SOAT1: variants seen among roughly 807,000 people sequenced by gnomAD.
SOAT1 encodes the protein sterol O-acyltransferase 1.
SOAT1 carries 55 observed loss-of-function variants against 69.5 expected under a neutral mutation model. The ratio of observed to expected loss-of-function variants is 0.79; its 90% CI spans 0.64 to 0.99. The LOEUF (loss-of-function observed/expected upper bound fraction) is 0.99, where lower values mean the gene tolerates loss of function less well. Ranked by LOEUF, SOAT1 falls within the 50% of genes least tolerant of loss-of-function variation. SOAT1 has a pLI of 0.00. For synonymous variants in SOAT1, 231 were observed against 224.7 expected, an observed-to-expected ratio of 1.03 and a Z score of -0.25; for missense variants, 580 against 669.3, an observed-to-expected ratio of 0.87 and a Z score of 1.47.
intron 1 of SOAT1, among the ~76,000 whole-genome samples, chr1:179,300,429 T>C (rs529319928): frequency 6.6e-6 from 1 of 152,318 alleles, no homozygotes; most frequent in African/African-American, 2.4e-5. Flanking sequence ...CCCTGACTTT[T>C]CCCTTAAGTT....
chr1:179,313,530 A>ATGTATATGTG, intron 2 of SOAT1, among the ~76,000 whole-genome samples: 1 of 150,588 alleles, frequency 6.6e-6, no homozygotes, highest in East Asian at 1.9e-4. Context: ...GTATATATAT[A>ATGTATATGTG]TGTATATGTG....
chr1:179,351,721 AT>A (rs71901753), intron 15 of SOAT1, among the ~76,000 whole-genome samples: 24,159 of 106,204 alleles, frequency 0.23, 2,204 homozygotes, highest in Admixed American at 0.25. Context: ...GCCCCTTCTA[AT>A]TTTTTTTTTT....
intron 8 of SOAT1, 75 bp downstream of exon 8, chr1:179,342,267 C>T: frequency 1.1e-6 from 1 of 880,064 alleles, no homozygotes; most frequent in Non-Finnish European, 1.7e-6. Context: ...CTTCCCTTCC[C>T]TTCCCTTCTT....
At chr1:179,329,637 C>T (rs1010386630) in intron 3 of SOAT1, among the ~76,000 whole-genome samples, 1 of 151,750 alleles carries the variant, frequency 6.6e-6, no homozygotes, top group East Asian at 1.9e-4. Context: ...ATCATTTGAA[C>T]CCAGGAGGTG....
In SOAT1 at chr1:179,353,671, T is replaced by A; in HGVS notation, c.*30T>A. ...TTGGACTTTGTTTCCTCCTTGTCAC[T>A]GAAGATTGGGTAGCTCCCTGATTTG... On this transcript the variant is annotated 3_prime_UTR_variant, in exon 16 of 16. Transcript: ENST00000367619. The A allele has an allele frequency of 6.3e-7, 1 of 1,580,780 alleles. No homozygotes were observed. Among genetic ancestry groups the A allele is most frequent in the Admixed American group, 1.7e-5 (1 of 59,774 alleles).
intron 2 of SOAT1, among the ~76,000 whole-genome samples, chr1:179,305,401 G>A (rs1664968477): frequency 1.6e-5 from 2 of 127,510 alleles, no homozygotes; most frequent in Admixed American, 1.8e-4. Flanking sequence ...GTTTTAATAT[G>A]TATCAGTACT....
Position 179,356,744 on chromosome 1 carries a change from T to C in SOAT1, c.*3103T>C, listed in dbSNP as rs1197985865. On this transcript the variant is annotated 3_prime_UTR_variant, in exon 16 of 16. Transcript: ENST00000367619. Reference sequence around the variant, plus strand: ...CAGGGTCTCACTCTGTTGCCCAGGCTGGTAGTAGCGTGATCATAGCTCACT... The same window carrying C: ...CAGGGTCTCACTCTGTTGCCCAGGCCGGTAGTAGCGTGATCATAGCTCACT... The C allele has an allele frequency of 1.3e-5, 2 of 152,142 alleles. No individual in the cohort carries two copies. Among genetic ancestry groups the C allele is most frequent in the African/African-American group, 4.8e-5 (2 of 41,416 alleles). 9.4% of individuals were successfully genotyped at this position (152,142 alleles called of 1,614,324 possible).
intron 2 of SOAT1, among the ~76,000 whole-genome samples, chr1:179,307,174 T>C (rs1433021919): frequency 1.3e-5 from 2 of 152,222 alleles, no homozygotes; most frequent in African/African-American, 4.8e-5. Context: ...TTGCGTGGGA[T>C]ATCTGCTGCT....
intron 3 of SOAT1, among the ~76,000 whole-genome samples, chr1:179,334,815 A>G (rs956010550): frequency 6.6e-6 from 1 of 151,970 alleles, no homozygotes; most frequent in African/African-American, 2.4e-5. Flanking sequence ...TGGGAGTTGG[A>G]GACCAGCCTG....
In SOAT1 at chr1:179,343,572, T is replaced by G; in HGVS notation, c.942-18T>G. The G allele has an allele frequency of 6.3e-7, 1 of 1,599,728 alleles. No homozygotes were observed. Among genetic ancestry groups the G allele is most frequent in the South Asian group, 1.1e-5 (1 of 89,890 alleles). On this transcript the variant is annotated intron_variant, in intron 9 of 15. Transcript: ENST00000367619. ...TTACTTTATTTAGAAACCTTATTTT[T>G]GTTTCTTTCTTTTTCAGGAATCCCA...
rs1666851794 is a variant in SOAT1 at position 179,354,708 on chromosome 1, G to A, written c.*1067G>A. On this transcript the variant is annotated 3_prime_UTR_variant, in exon 16 of 16. Transcript: ENST00000367619. ...ACTTTTAATGGTAGTATGTTTTTAG[G>A]TGGAATAAATTAATATGTGATTGGT... 2 of 152,192 alleles carry A rather than the reference G, an allele frequency of 1.3e-5. No individual in the cohort carries two copies. Among genetic ancestry groups the A allele is most frequent in the South Asian group, 2.1e-4 (1 of 4,822 alleles). The allele number at this position is 152,192 out of a possible 1,614,324, so 9.4% of individuals were successfully genotyped here.
Position 179,354,146 on chromosome 1 carries a change from A to G in SOAT1, c.*505A>G, listed in dbSNP as rs558508856. On this transcript the variant is annotated 3_prime_UTR_variant, in exon 16 of 16. Transcript: ENST00000367619. ...AATGATTTTTGCTATTTCTAGTAGAAAGAAAATGTCTGTTTTCCAAAGATA... is the reference window on the plus strand; with the variant it reads ...AATGATTTTTGCTATTTCTAGTAGAGAGAAAATGTCTGTTTTCCAAAGATA... 1 of 152,884 alleles carries G rather than the reference A, an allele frequency of 6.5e-6. No individual in the cohort carries two copies. Among genetic ancestry groups the G allele is most frequent in the Admixed American group, 6.5e-5 (1 of 15,298 alleles). 9.5% of individuals were successfully genotyped at this position (152,884 alleles called of 1,614,324 possible). A position where few individuals can be genotyped will look rare whatever the true frequency, so the allele number is the denominator to read the frequency against.
intron 2 of SOAT1, among the ~76,000 whole-genome samples, chr1:179,310,790 A>G (rs1665195343): frequency 6.6e-6 from 1 of 152,238 alleles, no homozygotes; most frequent in Non-Finnish European, 1.5e-5. Flanking sequence ...GCAATAAACT[A>G]GTCAGTGCCT....
chr1:179,347,592 AT>A lies in SOAT1; in HGVS notation c.1118-3del. 1.3e-6 allele frequency: 2 copies of A among 1,570,356 alleles called. No homozygotes were observed. Among genetic ancestry groups the A allele is most frequent in the Non-Finnish European group, 1.8e-6 (2 of 1,141,960 alleles). On this transcript the variant is annotated splice_polypyrimidine_tract_variant and splice_region_variant and intron_variant, in intron 11 of 15. Transcript: ENST00000367619. ...AAAGACTGTTAATATTGTTAATCTT[AT>A]TTTTAGGTGTGCTGATTCTCTTCCT...
intron 2 of SOAT1, among the ~76,000 whole-genome samples, chr1:179,318,980 T>G (rs902475191): frequency 7.9e-5 from 12 of 152,240 alleles, no homozygotes; most frequent in Non-Finnish European, 1.8e-4. Flanking sequence ...CTAGGTCTTA[T>G]GTTGGCTCTG....
At chr1:179,303,034 T>C (rs1664889052) in intron 2 of SOAT1, among the ~76,000 whole-genome samples, 1 of 152,186 alleles carries the variant, frequency 6.6e-6, no homozygotes, top group Non-Finnish European at 1.5e-5. Flanking sequence ...TCACGTAACC[T>C]ACCAATAATT....
intron 6 of SOAT1, among the ~76,000 whole-genome samples, 154 bp from the exon 7 acceptor site, chr1:179,340,870 TCTAA>T (rs1300674154): frequency 6.6e-6 from 1 of 152,026 alleles, no homozygotes; most frequent in Non-Finnish European, 1.5e-5. Flanking sequence ...GAAGCAGATC[TCTAA>T]CTAGCAGAAC....
Position 179,333,866 on chromosome 1 carries a change from C to A in SOAT1, c.178-1640C>A, listed in dbSNP as rs1432084363. 2.0e-5 allele frequency among the ~76,000 whole-genome samples: 3 copies of A among 151,634 alleles called. No individual in the cohort carries two copies. The East Asian group carries it at 5.8e-4, about 29-fold the overall frequency. ...AAAAAAAAAGTTTCAAGGAAGAACTCATTTTTTGTCAAGTGGTGAAAGCAG... is the reference window on the plus strand; with the variant it reads ...AAAAAAAAAGTTTCAAGGAAGAACTAATTTTTTGTCAAGTGGTGAAAGCAG... On this transcript the variant is annotated intron_variant, in intron 3 of 15. Coordinates refer to ENST00000367619, the MANE Select transcript of SOAT1 (RefSeq NM_003101.6).
intron 4 of SOAT1, among the ~76,000 whole-genome samples, chr1:179,336,000 C>G (rs1365192179): frequency 1.3e-5 from 2 of 151,922 alleles, no homozygotes; most frequent in Non-Finnish European, 2.9e-5. Flanking sequence ...TTTGTCTCTA[C>G]TAAAAATACA....
Sources: allele counts gnomAD v4.1 joint callset (sites outside exome capture counted in the v4.1 genomes callset), GRCh38; gene constraint gnomAD v4.1.1; transcripts MANE v1.5; gene names NCBI Gene and HGNC (gene_info 2026-07-23, HGNC 2026-07-21).